CLEC17A: variants seen among roughly 807,000 people sequenced by gnomAD.
The protein encoded by CLEC17A is C-type lectin domain family 17, member A.
CLEC17A carries 37 observed loss-of-function variants against 61.3 expected under a neutral mutation model. That is an observed-to-expected ratio of 0.60 (90% CI 0.46 to 0.79). The LOEUF (loss-of-function observed/expected upper bound fraction) is 0.79. CLEC17A is among the 30% of genes least tolerant of loss of function. CLEC17A has a pLI of 0.00. For synonymous variants in CLEC17A, 168 were observed against 164.9 expected, an observed-to-expected ratio of 1.02 and a Z score of -0.14; for missense variants, 418 against 464.7, an observed-to-expected ratio of 0.90 and a Z score of 0.92.
intron 10 of CLEC17A, among the ~76,000 whole-genome samples, chr19:14,598,350 CT>C (rs1208353775): frequency 6.9e-6 from 1 of 144,180 alleles, no homozygotes; most frequent in African/African-American, 2.7e-5. Context: ...TTCTTTCTTT[CT>C]TTTTCTTTTT....
At chr19:14,608,538 T>G (rs2074959901) in intron 13 of CLEC17A, among the ~76,000 whole-genome samples, 1 of 151,836 alleles carries the variant, frequency 6.6e-6, no homozygotes, top group Admixed American at 6.6e-5. Flanking sequence ...CATTGCAACA[T>G]CTCAGTCTTT....
chr19:14,603,583 C>A (rs1269755684), intron 12 of CLEC17A, among the ~76,000 whole-genome samples: 3 of 152,030 alleles, frequency 2.0e-5, no homozygotes, highest in African/African-American at 7.3e-5. Flanking sequence ...ATTTAGCCTC[C>A]CAAGTAACTG....
At chr19:14,587,206 A>T (rs989648686) in intron 2 of CLEC17A, among the ~76,000 whole-genome samples, 1 of 150,148 alleles carries the variant, frequency 6.7e-6, no homozygotes, top group African/African-American at 2.5e-5. Flanking sequence ...TGTTTCTTCT[A>T]TGTGTGAGTC....
chr19:14,593,095 C>T (rs1344838113), intron 4 of CLEC17A, among the ~76,000 whole-genome samples: 1 of 152,124 alleles, frequency 6.6e-6, no homozygotes, highest in African/African-American at 2.4e-5. Flanking sequence ...CATTACCACT[C>T]AAAGCCCAGG....
intron 10 of CLEC17A, 174 bp from the exon 11 acceptor site, chr19:14,599,543 T>G: frequency 1.5e-6 from 1 of 682,824 alleles, no homozygotes; most frequent in Non-Finnish European, 2.7e-6. Context: ...CTCTGAGCCA[T>G]TCTCGGATTC....
chr19:14,597,588 G>A (rs904951711), intron 10 of CLEC17A, among the ~76,000 whole-genome samples: 3 of 152,100 alleles, frequency 2.0e-5, no homozygotes, highest in African/African-American at 2.4e-5. Flanking sequence ...AAAATTAGCC[G>A]GGTGTGGTGG....
chr19:14,585,037 A>C (rs2074253871), intron 2 of CLEC17A, among the ~76,000 whole-genome samples: 1 of 152,074 alleles, frequency 6.6e-6, no homozygotes, highest in Admixed American at 6.6e-5. Flanking sequence ...CTGAAACGCA[A>C]CTGTTTTTGT....
upstream of CLEC17A, among the ~76,000 whole-genome samples, chr19:14,582,120 C>T (rs1462838769): frequency 6.6e-6 from 1 of 152,196 alleles, no homozygotes; most frequent in Non-Finnish European, 1.5e-5. Context: ...CTCCTTCTTG[C>T]ATCTTCAAAG....
chr19:14,595,214 A>C, intron 7 of CLEC17A, 60 bp from the exon 8 acceptor site: 1 of 1,588,826 alleles, frequency 6.3e-7, no homozygotes, highest in South Asian at 1.1e-5. Flanking sequence ...GAGGTTGTTG[A>C]TCTTGGAAGA....
intron 10 of CLEC17A, among the ~76,000 whole-genome samples, chr19:14,598,522 G>A (rs948053563): frequency 1.3e-5 from 2 of 151,406 alleles, no homozygotes; most frequent in Admixed American, 6.6e-5. Flanking sequence ...TGCCCAGGCC[G>A]GAGTACAGTG....
intron 7 of CLEC17A, 75 bp downstream of exon 7, chr19:14,594,875 A>G: frequency 7.2e-7 from 1 of 1,380,036 alleles, no homozygotes; most frequent in South Asian, 1.2e-5. Context: ...CCCAATTTTT[A>G]TTTATTTATT....
chr19:14,603,280 G>A (rs570567227), intron 12 of CLEC17A, among the ~76,000 whole-genome samples: 2 of 152,094 alleles, frequency 1.3e-5, no homozygotes, highest in Admixed American at 1.3e-4. Context: ...CACACATCGG[G>A]TCTTTGCTGT....
chr19:14,580,999 C>T (rs574307938), upstream of CLEC17A, among the ~76,000 whole-genome samples: 12 of 152,314 alleles, frequency 7.9e-5, no homozygotes, highest in East Asian at 1.3e-3. Flanking sequence ...TGCCCACGTG[C>T]GGTGCGGGGG....
intron 4 of CLEC17A, among the ~76,000 whole-genome samples, chr19:14,593,256 C>A (rs1240883075): frequency 1.4e-5 from 2 of 147,064 alleles, no homozygotes; most frequent in Non-Finnish European, 3.0e-5. Context: ...ATGGGAGGAT[C>A]ACTTAGCCAT....
upstream of CLEC17A, among the ~76,000 whole-genome samples, chr19:14,582,007 C>A (rs1963549065): frequency 6.6e-6 from 1 of 152,142 alleles, no homozygotes; most frequent in South Asian, 2.1e-4. Context: ...CTGCTGAAAC[C>A]CAGGTGTTCA....
At chr19:14,586,578 T>A (rs7258372) in intron 2 of CLEC17A, among the ~76,000 whole-genome samples, 17,706 of 150,064 alleles carry the variant, frequency 0.12, 1,195 homozygotes, top group African/African-American at 0.18. Context: ...TGCACCACCA[T>A]GCCTGGATGG....
At chr19:14,589,984 C>T (rs538489359) in intron 3 of CLEC17A, among the ~76,000 whole-genome samples, 122 of 138,084 alleles carry the variant, frequency 8.8e-4, no homozygotes, top group African/African-American at 2.9e-3. Context: ...CCCAGTCAAG[C>T]CTGCAGATGA....
At chr19:14,604,430 C>G (rs961984114) in intron 12 of CLEC17A, among the ~76,000 whole-genome samples, 1 of 152,056 alleles carries the variant, frequency 6.6e-6, no homozygotes. Context: ...GCTATAACGA[C>G]AGAAATATTT....
At chr19:14,596,443 C>G (rs8112860) in intron 8 of CLEC17A, among the ~76,000 whole-genome samples, 5 of 151,804 alleles carry the variant, frequency 3.3e-5, no homozygotes, top group African/African-American at 1.2e-4. Flanking sequence ...CCATCCTGGA[C>G]AACATGGCGA....
Sources: allele counts gnomAD v4.1 joint callset (sites outside exome capture counted in the v4.1 genomes callset), GRCh38; gene constraint gnomAD v4.1.1; transcripts MANE v1.5; gene names NCBI Gene and HGNC (gene_info 2026-07-23, HGNC 2026-07-21).